Variants in ZYG11A observed in about 807,000 individuals in gnomAD.
ZYG11A encodes zyg-11 family member A, cell cycle regulator, also known as protein zyg-11 homolog A.
In ZYG11A, 62 loss-of-function variants were observed where a neutral mutation model predicts 77.2. That is an observed-to-expected ratio of 0.80 (90% CI 0.65 to 0.99). The LOEUF is 0.99. Among genes scored for constraint, ZYG11A ranks in the 50% least tolerant of loss-of-function variants. The pLI is 0.00. For missense variants in ZYG11A, 828 were observed against 896.8 expected (o/e 0.92, Z 0.98); for synonymous variants, 315 against 324.6 (o/e 0.97, Z 0.32).
intron 1 of ZYG11A, among the ~76,000 whole-genome samples, chr1:52,853,934 T>A (rs1557430826): frequency 6.6e-6 from 1 of 152,120 alleles, no homozygotes; most frequent in Non-Finnish European, 1.5e-5. Flanking sequence ...TTAATGTTTT[T>A]CAAGATACAG....
At chr1:52,868,784 TCAAAAAACAACAAAA>T (rs1335142345) in intron 8 of ZYG11A, among the ~76,000 whole-genome samples, 14 of 152,272 alleles carry the variant, frequency 9.2e-5, no homozygotes, top group East Asian at 3.9e-4. Context: ...AAATTGTGTC[TCAAAAAACAACAAAA>T]CAAAAAACAA....
chr1:52,872,764 T>G (rs1646189958), intron 8 of ZYG11A, among the ~76,000 whole-genome samples: 1 of 150,126 alleles, frequency 6.7e-6, no homozygotes, highest in Admixed American at 6.6e-5. Flanking sequence ...ATGCCTGTAA[T>G]CCTAGACACT....
At chr1:52,868,385 A>G (rs1010780063) in intron 8 of ZYG11A, among the ~76,000 whole-genome samples, 7 of 152,208 alleles carry the variant, frequency 4.6e-5, no homozygotes, top group African/African-American at 1.7e-4. Flanking sequence ...TCTTTCTACA[A>G]ATTACTTCCT....
intron 8 of ZYG11A, among the ~76,000 whole-genome samples, chr1:52,870,667 C>T (rs541464795): frequency 5.9e-5 from 9 of 152,316 alleles, no homozygotes; most frequent in East Asian, 1.9e-4. Flanking sequence ...GAGACCAGCC[C>T]GGCCAACACA....
chr1:52,886,727 T>TG (rs1646458942), intron 12 of ZYG11A, among the ~76,000 whole-genome samples: 1 of 142,854 alleles, frequency 7.0e-6, no homozygotes, highest in Non-Finnish European at 1.5e-5. Context: ...TTTTTTTTTT[T>TG]GTAGAGACGG....
chr1:52,882,435 T>A (rs1015056390), intron 11 of ZYG11A, among the ~76,000 whole-genome samples: 37 of 152,218 alleles, frequency 2.4e-4, no homozygotes, highest in African/African-American at 8.4e-4. Flanking sequence ...GTACACCGTA[T>A]ATGGTGGACT....
chr1:52,867,674 C>T, intron 7 of ZYG11A, 36 bp downstream of exon 7: 3 of 1,550,146 alleles, frequency 1.9e-6, no homozygotes, highest in Non-Finnish European at 2.6e-6. Flanking sequence ...GTCTATCTCT[C>T]TAGTTTTTAT....
chr1:52,859,658 G>GTATACCTATAC (rs1645886847), intron 3 of ZYG11A, among the ~76,000 whole-genome samples: 2 of 46,608 alleles, frequency 4.3e-5, no homozygotes, highest in South Asian at 1.7e-3. Flanking sequence ...TTATCTGTTT[G>GTATACCTATAC]TGTATTGCCT....
Position 52,886,968 on chromosome 1 carries a change from A to AT in ZYG11A, c.2024dup (p.Leu677AlafsTer24), listed in dbSNP as rs1425018131. ...TTTTTTGTTTTAGATCTTTCAAGAC[A>AT]TTTTTCCCGCTCCTTGGCAACTTCT... On this transcript the variant is annotated frameshift_variant, in exon 13 of 14. Coordinates refer to ENST00000371528, the MANE Select transcript of ZYG11A (RefSeq NM_001004339.3). LOFTEE classifies it high-confidence loss of function. 16 of 1,547,582 alleles carry AT rather than the reference A, an allele frequency of 1.0e-5. No homozygotes were observed. Among genetic ancestry groups the AT allele is most frequent in the Non-Finnish European group, 1.3e-5 (15 of 1,143,894 alleles).
At chr1:52,856,880 G>A in intron 2 of ZYG11A, 118 bp from the exon 3 acceptor site, 1 of 1,047,022 alleles carries the variant, frequency 9.6e-7, no homozygotes, top group South Asian at 1.7e-5. Context: ...CTAGCACAGA[G>A]CAGTAAATGT....
intron 1 of ZYG11A, among the ~76,000 whole-genome samples, chr1:52,849,359 C>T (rs1025889450): frequency 9.2e-5 from 14 of 151,614 alleles, no homozygotes; most frequent in African/African-American, 2.9e-4. Flanking sequence ...TGAGCCACCG[C>T]GCCCAGCCTC....
chr1:52,891,881 A>T (rs1646549227), intron 13 of ZYG11A, among the ~76,000 whole-genome samples: 1 of 148,668 alleles, frequency 6.7e-6, no homozygotes, highest in African/African-American at 2.6e-5. Context: ...AAAATTTGTG[A>T]ATTATATTTT....
chr1:52,867,069 C>T (rs79320888), intron 6 of ZYG11A, among the ~76,000 whole-genome samples: 5,271 of 152,226 alleles, frequency 0.035, 402 homozygotes, highest in Admixed American at 0.17. Flanking sequence ...AGTTTTAAAA[C>T]ATTTATAATA....
In ZYG11A at chr1:52,842,872, G is replaced by A. The variant is rs749166708; in HGVS notation, c.-12G>A. ...CCGGCTCTCTTTTTGACGCCCCGCC[G>A]CCGGGGTTGCCATGGTTCATTTCTT... On this transcript the variant is annotated 5_prime_UTR_variant, in exon 1 of 14. Transcript: ENST00000371528. 6.5e-6 allele frequency: 10 copies of A among 1,528,480 alleles called. No individual in the cohort carries two copies. In the South Asian group the frequency reaches 1.1e-4, roughly 17 times the overall value. 94.7% of individuals were successfully genotyped at this position (1,528,480 alleles called of 1,614,324 possible). A position where few individuals can be genotyped will look rare whatever the true frequency, so the allele number is the denominator to read the frequency against.
In ZYG11A at chr1:52,869,885, C is replaced by T. The variant is rs549870178; in HGVS notation, c.1542+2108C>T. On this transcript the variant is annotated intron_variant, in intron 8 of 13. Coordinates refer to ENST00000371528, the MANE Select transcript of ZYG11A (RefSeq NM_001004339.3). ...GACCCCCCCACACCTCCCTCCCGGA[C>T]GGGGCGGCTGGCCGGGCAGGGGGCT... is the stretch of plus-strand genomic sequence containing the variant. Among the ~76,000 whole-genome samples, 658 of 148,658 alleles carry T rather than the reference C, an allele frequency of 4.4e-3. 11 individuals are homozygous for T. Among genetic ancestry groups the T allele is most frequent in the African/African-American group, 0.015 (617 of 39,910 alleles).
intron 1 of ZYG11A, among the ~76,000 whole-genome samples, chr1:52,846,366 A>T (rs1467195042): frequency 1.0e-4 from 12 of 115,950 alleles, no homozygotes; most frequent in Non-Finnish European, 1.4e-4. Flanking sequence ...ATATATATAT[A>T]TTTTGAAACA....
chr1:52,855,729 G>T (rs1332607182), intron 2 of ZYG11A, among the ~76,000 whole-genome samples: 3 of 152,174 alleles, frequency 2.0e-5, no homozygotes, highest in African/African-American at 7.2e-5. Flanking sequence ...TGTGCAACAT[G>T]TATATCTGTA....
At chr1:52,890,054 T>G (rs1646515881) in intron 13 of ZYG11A, among the ~76,000 whole-genome samples, 1 of 34,388 alleles carries the variant, frequency 2.9e-5, no homozygotes, top group African/African-American at 8.6e-5. Context: ...TCACTGCTTG[T>G]TTTTTTTTTT....
At chr1:52,865,440 A>C (rs138996051) in intron 5 of ZYG11A, among the ~76,000 whole-genome samples, 1 of 152,356 alleles carries the variant, frequency 6.6e-6, no homozygotes, top group East Asian at 1.9e-4. Flanking sequence ...TATACACTTC[A>C]TAAACTACCT....
Sources: gnomAD v4.1 joint callset for allele counts (sites outside exome capture counted in the v4.1 genomes callset) on GRCh38, gnomAD v4.1.1 for gene constraint, MANE v1.5 for transcripts, NCBI Gene and HGNC (gene_info 2026-07-23, HGNC 2026-07-21) for gene names.